ZNF735: variants seen among roughly 807,000 people sequenced by gnomAD.
The protein encoded by ZNF735 is zinc finger protein 735, also known as putative zinc finger protein 735.
Under a neutral mutation model 13.4 loss-of-function variants are expected in ZNF735, and 11 were observed. The ratio of observed to expected loss-of-function variants is 0.82; its 90% CI spans 0.52 to 1.36. The LOEUF (loss-of-function observed/expected upper bound fraction) is 1.36. ZNF735 is among the 40% of genes most tolerant of loss of function. The pLI is 0.00. For missense variants in ZNF735, 500 were observed against 484.6 expected, an observed-to-expected ratio of 1.03 and a Z score of -0.30; for synonymous variants, 171 against 162.6, an observed-to-expected ratio of 1.05 and a Z score of -0.39.
chr7:64,213,043 G>T, intron 1 of ZNF735, 49 bp from the exon 2 acceptor site: 2 of 1,559,444 alleles, frequency 1.3e-6, no homozygotes, highest in South Asian at 1.2e-5. Flanking sequence ...CTCTGCTTAC[G>T]GCCATATGGT....
At chr7:64,215,551 C>T (rs55760688) in intron 3 of ZNF735, among the ~76,000 whole-genome samples, 31,478 of 152,058 alleles carry the variant, frequency 0.21, 4,261 homozygotes, top group Non-Finnish European at 0.29. Flanking sequence ...TTAAATTTTC[C>T]TGTTCTTCTC....
rs76608876 is a variant in ZNF735 at position 64,208,712 on chromosome 7, C to T, written c.39+1471C>T. Among the ~76,000 whole-genome samples the T allele has an allele frequency of 6.4e-3, 967 of 152,240 alleles. 2 individuals carry two copies. Among genetic ancestry groups the T allele is most frequent in the Non-Finnish European group, 9.6e-3 (653 of 68,016 alleles). On this transcript the variant is annotated intron_variant, in intron 1 of 3. Transcript: ENST00000429565. ...AACAGATTTGTTTTCTGATTTTCTTCGTCTTCTGACCCTCCACCCTGAACT... is the reference window on the plus strand; with the variant it reads ...AACAGATTTGTTTTCTGATTTTCTTTGTCTTCTGACCCTCCACCCTGAACT...
chr7:64,207,556 G>GA (rs1326849619), intron 1 of ZNF735, among the ~76,000 whole-genome samples: 2 of 152,196 alleles, frequency 1.3e-5, no homozygotes, highest in Non-Finnish European at 2.9e-5. Flanking sequence ...TATCAGGGGA[G>GA]AATCCTGACA....
At chr7:64,217,712 G>T (rs1399813039) in intron 3 of ZNF735, among the ~76,000 whole-genome samples, 3 of 151,496 alleles carry the variant, frequency 2.0e-5, no homozygotes, top group East Asian at 3.9e-4. Flanking sequence ...TGCTAGTAAT[G>T]GACTCATTTT....
At chr7:64,209,612 G>T (rs1228286871) in intron 1 of ZNF735, among the ~76,000 whole-genome samples, 5 of 152,060 alleles carry the variant, frequency 3.3e-5, no homozygotes, top group African/African-American at 4.8e-5. Flanking sequence ...GGAGTGAGCC[G>T]CAGTGCATGG....
chr7:64,215,353 C>T (rs1274877645), intron 3 of ZNF735, among the ~76,000 whole-genome samples: 3 of 152,016 alleles, frequency 2.0e-5, no homozygotes, highest in East Asian at 1.9e-4. Flanking sequence ...CCACTGCACC[C>T]GGTTCATTTG....
At chr7:64,218,090 G>C (rs1787443534) in intron 3 of ZNF735, among the ~76,000 whole-genome samples, 1 of 151,972 alleles carries the variant, frequency 6.6e-6, no homozygotes, top group South Asian at 2.1e-4. Flanking sequence ...CCTCTTTTCA[G>C]CATTTTATTT....
At chr7:64,212,052 T>C (rs1787367036) in intron 1 of ZNF735, among the ~76,000 whole-genome samples, 1 of 152,098 alleles carries the variant, frequency 6.6e-6, no homozygotes, top group African/African-American at 2.4e-5. Context: ...TGGTTCAAGA[T>C]CTCTATGACA....
intron 1 of ZNF735, among the ~76,000 whole-genome samples, chr7:64,212,791 GA>G (rs397733091): frequency 6.0e-4 from 75 of 125,492 alleles, no homozygotes; most frequent in Middle Eastern, 4.1e-3. Flanking sequence ...ACTTGGTAAA[GA>G]AAAAAAAAAA....
At chr7:64,210,553 A>G (rs1219863286) in intron 1 of ZNF735, among the ~76,000 whole-genome samples, 1 of 152,220 alleles carries the variant, frequency 6.6e-6, no homozygotes, top group Non-Finnish European at 1.5e-5. Flanking sequence ...TGAGGGGTTC[A>G]AGATACATTC....
At chr7:64,213,006 C>CT in intron 1 of ZNF735, 86 bp from the exon 2 acceptor site, 1 of 1,398,848 alleles carries the variant, frequency 7.1e-7, no homozygotes, top group Non-Finnish European at 9.7e-7. Flanking sequence ...TTTTTACTCT[C>CT]TTTTTTAACT....
intron 1 of ZNF735, among the ~76,000 whole-genome samples, chr7:64,208,144 T>TC (rs1787312318): frequency 6.6e-6 from 1 of 151,542 alleles, no homozygotes; most frequent in East Asian, 1.9e-4. Flanking sequence ...ACTTGGAAGA[T>TC]CCAGGTGAAA....
intron 3 of ZNF735, among the ~76,000 whole-genome samples, chr7:64,219,074 A>T (rs527329051): frequency 6.6e-6 from 1 of 152,290 alleles, no homozygotes; most frequent in East Asian, 1.9e-4. Flanking sequence ...TTCTCTATAT[A>T]TGGTTCTTGA....
chr7:64,217,821 A>T (rs1787440510), intron 3 of ZNF735, among the ~76,000 whole-genome samples: 1 of 152,094 alleles, frequency 6.6e-6, no homozygotes, highest in Non-Finnish European at 1.5e-5. Context: ...GTAAAAAAAA[A>T]TGACTTCAGT....
exon 4 of ZNF735, chr7:64,219,399 A>G (rs780868497): frequency 1.9e-6 from 3 of 1,613,908 alleles, no homozygotes; most frequent in Admixed American, 3.3e-5. Flanking sequence ...GAACATATGG[A>G]AAATGTGGAC....
chr7:64,209,917 C>T (rs113063908), intron 1 of ZNF735, among the ~76,000 whole-genome samples: 5,922 of 152,184 alleles, frequency 0.039, 183 homozygotes, highest in East Asian at 0.16. Flanking sequence ...ATTTACAAAA[C>T]AGCCATTTGG....
At chr7:64,207,705 C>T (rs529217956) in intron 1 of ZNF735, among the ~76,000 whole-genome samples, 3 of 152,054 alleles carry the variant, frequency 2.0e-5, no homozygotes, top group African/African-American at 4.8e-5. Context: ...AATCATAGAG[C>T]GGGCCAGGCG....
At chr7:64,217,610 A>T (rs770859086) in intron 3 of ZNF735, among the ~76,000 whole-genome samples, 52 of 152,012 alleles carry the variant, frequency 3.4e-4, no homozygotes, top group Admixed American at 4.6e-4. Flanking sequence ...TCCTGATGTT[A>T]TATATGCATA....
rs547913905 is a variant in ZNF735 at position 64,211,686 on chromosome 7, A to G, written c.40-1406A>G. Reference sequence around the variant, plus strand: ...CGAGGCCCGCCTGGCCAACCTGGTGAAACCCTGTCTCTACTAAAAAAATAC... The same window carrying G: ...CGAGGCCCGCCTGGCCAACCTGGTGGAACCCTGTCTCTACTAAAAAAATAC... On this transcript the variant is annotated intron_variant, in intron 1 of 3. Transcript: ENST00000429565. Among the ~76,000 whole-genome samples the G allele has an allele frequency of 2.8e-4, 43 of 152,016 alleles. No homozygotes were observed. In the East Asian group the frequency reaches 8.0e-3, roughly 28 times the overall value.
Sources: gnomAD v4.1 joint callset for allele counts (sites outside exome capture counted in the v4.1 genomes callset) on GRCh38, gnomAD v4.1.1 for gene constraint, MANE v1.5 for transcripts, NCBI Gene and HGNC (gene_info 2026-07-23, HGNC 2026-07-21) for gene names.